Variants in SLC39A8 observed in about 807,000 individuals in gnomAD.
SLC39A8 encodes solute carrier family 39 member 8.
SLC39A8 carries 15 observed loss-of-function variants against 40.4 expected under a neutral mutation model. The observed-to-expected ratio is 0.37, with a 90% CI of 0.25 to 0.57. The LOEUF (loss-of-function observed/expected upper bound fraction) is 0.57, where lower values mean the gene tolerates loss of function less well. Ranked by LOEUF, SLC39A8 falls within the 20% of genes least tolerant of loss-of-function variation. The pLI, the probability that SLC39A8 is intolerant of heterozygous loss-of-function variation, is 0.75. For synonymous variants in SLC39A8, 223 were observed against 221.6 expected, an observed-to-expected ratio of 1.01 and a Z score of -0.06; for missense variants, 472 against 558.8, an observed-to-expected ratio of 0.84 and a Z score of 1.57.
intron 6 of SLC39A8, among the ~76,000 whole-genome samples, chr4:102,272,512 G>C (rs950917450): frequency 1.3e-5 from 2 of 152,132 alleles, no homozygotes; most frequent in African/African-American, 4.8e-5. Flanking sequence ...TCGAAAGGCT[G>C]AAGGAGAGTT....
rs760161137 is a variant in SLC39A8, at chr4:102,263,065, T to C, written c.1362A>G (p.Ala454=). Residue 454 remains alanine (A), a synonymous_variant, in exon 9 of 9, where the codon GCA becomes GCG. Transcript: ENST00000356736. ...FTAILLITLY[A]GEIELE The stretch of plus-strand genomic sequence containing the variant: ...TCTATTACTCCAATTCGATTTCTCC[T>C]GCATACAAGGTAATGAGTAGAATGG... The C allele has an allele frequency of 6.2e-7, 1 of 1,611,654 alleles. No individual in the cohort carries two copies. Among genetic ancestry groups the C allele is most frequent in the Non-Finnish European group, 8.5e-7 (1 of 1,178,604 alleles).
intron 6 of SLC39A8, among the ~76,000 whole-genome samples, chr4:102,300,581 C>G (rs1385742291): frequency 6.6e-6 from 1 of 151,940 alleles, no homozygotes; most frequent in Non-Finnish European, 1.5e-5. Flanking sequence ...GACAGTAATG[C>G]CAATTAGACC....
At chr4:102,336,294 A>G (rs1735672046) in intron 2 of SLC39A8, among the ~76,000 whole-genome samples, 2 of 152,214 alleles carry the variant, frequency 1.3e-5, no homozygotes, top group Admixed American at 6.5e-5. Flanking sequence ...AGGATTACAA[A>G]AAGAGGGTAA....
chr4:102,338,490 T>C (rs1735776609), intron 2 of SLC39A8, among the ~76,000 whole-genome samples: 1 of 152,166 alleles, frequency 6.6e-6, no homozygotes, highest in African/African-American at 2.4e-5. Context: ...CCAGCCTCCA[T>C]CTTATTTCTT....
chr4:102,262,931 C>A lies in SLC39A8; in HGVS notation c.*113G>T. The A allele has an allele frequency of 7.0e-7, 1 of 1,434,872 alleles. No homozygotes were observed. The highest frequency in any genetic ancestry group is 1.6e-5 in the South Asian group (1 of 64,078). 88.9% of individuals were successfully genotyped at this position (1,434,872 alleles called of 1,614,324 possible). A position where few individuals can be genotyped will look rare whatever the true frequency, so the allele number is the denominator to read the frequency against. ...GCCAATAATTAGTTTTCTGGACCTA[C>A]AGTTGAAAGCAAAATTATCTTTTTA... On this transcript the variant is annotated 3_prime_UTR_variant, in exon 9 of 9. Coordinates refer to ENST00000356736, the MANE Select transcript of SLC39A8 (RefSeq NM_001135146.2).
chr4:102,315,572 T>C (rs563878659), intron 3 of SLC39A8, 96 bp downstream of exon 3: 8 of 1,080,750 alleles, frequency 7.4e-6, no homozygotes, highest in Non-Finnish European at 1.0e-5. Context: ...TGTAGATTAA[T>C]TAAAAGCAAT....
At chr4:102,256,988 GA>G (rs1731723539), downstream of SLC39A8, among the ~76,000 whole-genome samples, 1 of 152,184 alleles carries the variant, frequency 6.6e-6, no homozygotes, top group African/African-American at 2.4e-5. Flanking sequence ...AAAACCAAAG[GA>G]GGGGAATCTA....
intron 2 of SLC39A8, among the ~76,000 whole-genome samples, chr4:102,336,789 G>T (rs202124097): frequency 6.6e-6 from 1 of 152,124 alleles, no homozygotes; most frequent in East Asian, 1.9e-4. Flanking sequence ...TCGATGAAAG[G>T]TTCATTTCTT....
chr4:102,291,784 G>A (rs1397833108), intron 6 of SLC39A8, among the ~76,000 whole-genome samples: 2 of 151,968 alleles, frequency 1.3e-5, no homozygotes, highest in Admixed American at 6.6e-5. Context: ...TCAGGAAGAA[G>A]CAAAGCATCA....
At chr4:102,295,090 G>T (rs1733626124) in intron 6 of SLC39A8, among the ~76,000 whole-genome samples, 1 of 148,328 alleles carries the variant, frequency 6.7e-6, no homozygotes, top group Admixed American at 6.8e-5. Flanking sequence ...CTATTTATTA[G>T]ATAATAATAT....
intron 2 of SLC39A8, among the ~76,000 whole-genome samples, chr4:102,316,458 C>T (rs539092723): frequency 6.6e-6 from 1 of 152,190 alleles, no homozygotes; most frequent in African/African-American, 2.4e-5. Flanking sequence ...TTTAGAAATT[C>T]ATTAACTATT....
intron 6 of SLC39A8, among the ~76,000 whole-genome samples, chr4:102,297,188 C>T (rs758228181): frequency 2.0e-5 from 3 of 151,990 alleles, no homozygotes; most frequent in East Asian, 1.9e-4. Context: ...TAAGCATGTA[C>T]GGAGATGATG....
At chr4:102,268,532 C>T (rs971971521) in intron 6 of SLC39A8, among the ~76,000 whole-genome samples, 91 of 152,332 alleles carry the variant, frequency 6.0e-4, no homozygotes, top group African/African-American at 2.1e-3. Flanking sequence ...GTTCTAACCC[C>T]TCCTATGCCA....
At chr4:102,265,260 A>G (rs1732048232) in intron 8 of SLC39A8, among the ~76,000 whole-genome samples, 1 of 152,134 alleles carries the variant, frequency 6.6e-6, no homozygotes, top group African/African-American at 2.4e-5. Context: ...TAATTTCAAC[A>G]TTGTTGGGTG....
intron 4 of SLC39A8, 89 bp from the exon 5 acceptor site, chr4:102,305,200 G>T: frequency 7.6e-7 from 1 of 1,313,862 alleles, no homozygotes; most frequent in Non-Finnish European, 1.0e-6. Context: ...TCTCACCAAT[G>T]TTCTAAGTCT....
At chr4:102,314,482 C>T (rs960216784) in intron 3 of SLC39A8, among the ~76,000 whole-genome samples, 2 of 152,090 alleles carry the variant, frequency 1.3e-5, no homozygotes, top group African/African-American at 2.4e-5. Flanking sequence ...TACCACCTCC[C>T]GCAAGGCTTC....
intron 11 of SLC39A8, among the ~76,000 whole-genome samples, chr4:102,256,540 C>T (rs1262009251): frequency 6.6e-6 from 1 of 152,140 alleles, no homozygotes; most frequent in Non-Finnish European, 1.5e-5. Context: ...TCAAAACATC[C>T]TAGATATTTT....
intron 2 of SLC39A8, among the ~76,000 whole-genome samples, chr4:102,330,381 A>C (rs1318605026): frequency 6.6e-6 from 1 of 152,208 alleles, no homozygotes; most frequent in African/African-American, 2.4e-5. Flanking sequence ...CCATCAGAGA[A>C]TACTATAAAC....
In SLC39A8 at chr4:102,315,817, T is replaced by C; in HGVS notation, c.233A>G (p.Glu78Gly). Residue 78 changes from glutamate to glycine, a missense_variant, in exon 3 of 9, where the codon GAA becomes GGA. Glu to Gly is a moderately conservative substitution (Grantham distance 98). Coordinates refer to ENST00000356736, the MANE Select transcript of SLC39A8 (RefSeq NM_001135146.2). The part of the protein sequence containing the change: ...QLHFNQCLTA[E>G]EIFSLHGFSN... ...AAAGCCATGAAGGGAAAAGATCTCT[T>C]CAGCAGTTAAACACTGAAATAGAAT... 1 of 1,610,882 alleles carries C rather than the reference T, an allele frequency of 6.2e-7. No individual in the cohort carries two copies. The highest frequency in any genetic ancestry group is 1.1e-5 in the South Asian group (1 of 90,386).
Sources: allele counts gnomAD v4.1 joint callset (sites outside exome capture counted in the v4.1 genomes callset), GRCh38; gene constraint gnomAD v4.1.1; transcripts MANE v1.5; gene names NCBI Gene and HGNC (gene_info 2026-07-23, HGNC 2026-07-21).